The following BRAF variants were observed in gnomAD, a reference collection of about 807,000 sequenced individuals.
BRAF encodes B-Raf proto-oncogene, serine/threonine kinase.
Under a neutral mutation model 104.6 loss-of-function variants are expected in BRAF, and 16 were observed. The ratio of observed to expected loss-of-function variants is 0.15; its 90% CI spans 0.10 to 0.23. The LOEUF is 0.23. Ranked by LOEUF, BRAF falls within the 10% of genes least tolerant of loss-of-function variation. The probability of loss-of-function intolerance (pLI) is 1.00; values close to 1 mark genes in which losing one functional copy is unlikely to be tolerated. For missense variants in BRAF, 541 were observed against 937.3 expected (o/e 0.58, Z 5.52); for synonymous variants, 310 against 341.6 (o/e 0.91, Z 1.02).
Position 140,878,935 on chromosome 7 carries a change from G to A in BRAF, c.139-28723C>T, listed in dbSNP as rs764908465. 5.9e-5 allele frequency among the ~76,000 whole-genome samples: 9 copies of A among 152,048 alleles called. No individual in the cohort carries two copies. In the East Asian group the frequency reaches 7.7e-4, roughly 13 times the overall value. ...GTCACCCAGGCTGGAGTGCAGTGGC[G>A]CAAATCTCAGCTCACTGCAACCTCC... On this transcript the variant is annotated intron_variant, in intron 1 of 19. Coordinates refer to ENST00000644969, the MANE Select transcript of BRAF (RefSeq NM_001374258.1).
chr7:140,915,322 A>G (rs2129143477), intron 1 of BRAF, among the ~76,000 whole-genome samples: 1 of 152,282 alleles, frequency 6.6e-6, no homozygotes, highest in East Asian at 1.9e-4. Flanking sequence ...AAGCAGTTCT[A>G]AAACTATAAA....
chr7:140,810,133 T>G (rs763577709), intron 3 of BRAF, among the ~76,000 whole-genome samples: 1 of 151,788 alleles, frequency 6.6e-6, no homozygotes, highest in Non-Finnish European at 1.5e-5. Context: ...ATATTTATGC[T>G]AGAGGGGAAA....
At chr7:140,825,342 A>T (rs1210237611) in intron 3 of BRAF, among the ~76,000 whole-genome samples, 2 of 152,152 alleles carry the variant, frequency 1.3e-5, no homozygotes, top group African/African-American at 2.4e-5. Context: ...CATGGCTTAC[A>T]AAGATTATCA....
At chr7:140,876,921 A>T (rs888549746) in intron 1 of BRAF, among the ~76,000 whole-genome samples, 2 of 152,208 alleles carry the variant, frequency 1.3e-5, no homozygotes, top group African/African-American at 4.8e-5. Context: ...AAGCTTAAAA[A>T]AAAACCACAA....
chr7:140,832,598 C>T (rs1324592513), intron 3 of BRAF, among the ~76,000 whole-genome samples: 1 of 152,084 alleles, frequency 6.6e-6, no homozygotes, highest in East Asian at 1.9e-4. Flanking sequence ...ATTCATAAGG[C>T]CTTTTAAGTT....
chr7:140,784,947 C>T (rs1004825317), intron 10 of BRAF, among the ~76,000 whole-genome samples: 9 of 151,836 alleles, frequency 5.9e-5, no homozygotes, highest in African/African-American at 2.2e-4. Flanking sequence ...GCGCCTGGCC[C>T]GACTTAAGTT....
rs1231655854 is a variant in BRAF at position 140,774,863 on chromosome 7, T to TGAA, written c.1814+2046_1814+2048dup. ...AGAAGGATTTGGCATCTCTTTCTTC[T>TGAA]GAAAGGTAAATCTATCAATAATATG... On this transcript the variant is annotated intron_variant, in intron 14 of 19. Coordinates refer to ENST00000644969, the MANE Select transcript of BRAF (RefSeq NM_001374258.1). 2.6e-5 allele frequency among the ~76,000 whole-genome samples: 4 copies of TGAA among 152,224 alleles called. No individual in the cohort carries two copies. In the East Asian group the frequency reaches 7.7e-4, roughly 29 times the overall value.
intron 1 of BRAF, among the ~76,000 whole-genome samples, chr7:140,916,141 A>G (rs1817610788): frequency 6.6e-6 from 1 of 152,178 alleles, no homozygotes; most frequent in Admixed American, 6.5e-5. Context: ...GGTATTCCAC[A>G]CTTCCTCTCT....
Position 140,895,867 on chromosome 7 carries a change from T to C in BRAF, c.138+28699A>G, listed in dbSNP as rs114817987. ...TCCATATCTTGGCTACTGTGAATAGTGTGCTGCAGTAAACATGGGGATGCA... is the reference window on the plus strand; with the variant it reads ...TCCATATCTTGGCTACTGTGAATAGCGTGCTGCAGTAAACATGGGGATGCA... On this transcript the variant is annotated intron_variant, in intron 1 of 19. Coordinates refer to ENST00000644969, the MANE Select transcript of BRAF (RefSeq NM_001374258.1). Among the ~76,000 whole-genome samples the C allele has an allele frequency of 4.3e-3, 658 of 152,290 alleles. 2 individuals carry two copies. Among genetic ancestry groups the C allele is most frequent in the African/African-American group, 0.015 (635 of 41,540 alleles).
chr7:140,822,084 C>A (rs1273422125), intron 3 of BRAF, among the ~76,000 whole-genome samples: 1 of 152,074 alleles, frequency 6.6e-6, no homozygotes, highest in African/African-American at 2.4e-5. Context: ...ATGATGGGAT[C>A]ATTTGTACAT....
At position 140,886,341 on chromosome 7, in the gene BRAF, T is replaced by C. The variant is rs889717795; in HGVS notation, c.139-36129A>G. On this transcript the variant is annotated intron_variant, in intron 1 of 19. Coordinates refer to ENST00000644969, the MANE Select transcript of BRAF (RefSeq NM_001374258.1). ...GCTCTCATCCATTCTGTAGTCAGAG[T>C]AGAATCTGCAAAACACATAACTGAT... Among the ~76,000 whole-genome samples the C allele has an allele frequency of 7.9e-5, 12 of 152,252 alleles. 1 individual carries two copies. The highest frequency in any genetic ancestry group is 3.4e-3 in the Middle Eastern group (1 of 294).
In BRAF at chr7:140,753,287, G is replaced by T. The variant is rs752115982; in HGVS notation, c.1968C>A (p.Ser656=). ...GSHQFEQLSG[S]ILWMAPEVIR... ...CCTCAATTCTTACCATCCACAAAATGGATCCAGACAACTGTTCAAACTGAT... is the reference window on the plus strand; with the variant it reads ...CCTCAATTCTTACCATCCACAAAATTGATCCAGACAACTGTTCAAACTGAT... Residue 656 remains serine, a synonymous_variant, in exon 16 of 20, where the codon TCC becomes TCA. Transcript: ENST00000644969. 7 of 1,608,998 alleles carry T rather than the reference G, an allele frequency of 4.4e-6. No homozygotes were observed. The Admixed American group carries it at 1.2e-4, about 27-fold the overall frequency.
At chr7:140,857,651 A>G (rs1026807940) in intron 1 of BRAF, among the ~76,000 whole-genome samples, 2 of 152,164 alleles carry the variant, frequency 1.3e-5, no homozygotes, top group African/African-American at 4.8e-5. Flanking sequence ...CACAATGACT[A>G]CATTAATGGG....
At chr7:140,893,276 G>A (rs1426768014) in intron 1 of BRAF, among the ~76,000 whole-genome samples, 1 of 149,144 alleles carries the variant, frequency 6.7e-6, no homozygotes, top group Non-Finnish European at 1.5e-5. Flanking sequence ...TTGAGACAGA[G>A]TCTTGCTCTG....
At position 140,781,377 on chromosome 7, in the gene BRAF, G is replaced by A. The variant is rs1800854989; in HGVS notation, c.1552+199C>T. 6 of 584,922 alleles carry A rather than the reference G, an allele frequency of 1.0e-5. No individual in the cohort carries two copies. The South Asian group carries it at 1.3e-4, about 12-fold the overall frequency. The allele number at this position is 584,922 out of a possible 1,614,324, so 36.2% of individuals were successfully genotyped here. On this transcript the variant is annotated intron_variant, in intron 12 of 19. Transcript: ENST00000644969. The stretch of plus-strand genomic sequence containing the variant: ...TAAAAATTATTACTGTAATAAAATG[G>A]TAGGAGTCCCGACTGCTGTGAACAG...
At chr7:140,789,343 A>T (rs1801714039) in intron 8 of BRAF, among the ~76,000 whole-genome samples, 1 of 152,252 alleles carries the variant, frequency 6.6e-6, no homozygotes, top group African/African-American at 2.4e-5. Context: ...ATTTAGTTTA[A>T]CTTAAATATG....
intron 1 of BRAF, among the ~76,000 whole-genome samples, chr7:140,862,709 G>T (rs1368920593): frequency 1.3e-5 from 2 of 152,084 alleles, no homozygotes; most frequent in African/African-American, 4.8e-5. Context: ...TAAGGCTGGG[G>T]GGTGGGCAAA....
At chr7:140,836,892 A>G (rs1807397775) in intron 2 of BRAF, among the ~76,000 whole-genome samples, 1 of 152,202 alleles carries the variant, frequency 6.6e-6, no homozygotes, top group South Asian at 2.1e-4. Context: ...CTGTCACCTG[A>G]GCAAGTACAG....
Position 140,724,140 on chromosome 7 carries a change from G to A in BRAF, c.*2354C>T, listed in dbSNP as rs1795465328. Reference sequence around the variant, plus strand: ...TCTAAAATGCAAGGGAAGAAAAAGTGTATCACCCTGAATATTGTTTAAGAA... The same window carrying A: ...TCTAAAATGCAAGGGAAGAAAAAGTATATCACCCTGAATATTGTTTAAGAA... On this transcript the variant is annotated 3_prime_UTR_variant, in exon 20 of 20. Coordinates refer to ENST00000644969, the MANE Select transcript of BRAF (RefSeq NM_001374258.1). The A allele has an allele frequency of 9.5e-7, 1 of 1,054,062 alleles. No homozygotes were observed. The highest frequency in any genetic ancestry group is 1.1e-6 in the Non-Finnish European group (1 of 872,292). 65.3% of individuals were successfully genotyped at this position (1,054,062 alleles called of 1,614,324 possible).
Sources: allele counts gnomAD v4.1 joint callset (sites outside exome capture counted in the v4.1 genomes callset), GRCh38; gene constraint gnomAD v4.1.1; transcripts MANE v1.5; gene names NCBI Gene and HGNC (gene_info 2026-07-23, HGNC 2026-07-21).